Variants in PPARG observed in about 807,000 individuals in gnomAD.
The protein encoded by PPARG is peroxisome proliferator-activated receptor gamma.
In PPARG, 17 loss-of-function variants were observed where a neutral mutation model predicts 39.2. The observed-to-expected ratio is 0.43, with a 90% CI of 0.30 to 0.65. PPARG has a LOEUF of 0.65. Among genes scored for constraint, PPARG ranks in the 30% least tolerant of loss-of-function variants. The probability of loss-of-function intolerance (pLI) is 0.13; values close to 1 mark genes in which losing one functional copy is unlikely to be tolerated. For missense variants in PPARG, 406 were observed against 585.9 expected (o/e 0.69, Z 3.17); for synonymous variants, 223 against 215.7 (o/e 1.03, Z -0.30).
chr3:12,295,331 C>T (rs2046751561), intron 1 of PPARG, among the ~76,000 whole-genome samples: 2 of 151,890 alleles, frequency 1.3e-5, no homozygotes, highest in Admixed American at 1.3e-4. Flanking sequence ...GTAGAAACTT[C>T]AAAAATCATT....
At chr3:12,322,115 T>C (rs187564259) in intron 2 of PPARG, among the ~76,000 whole-genome samples, 1 of 152,362 alleles carries the variant, frequency 6.6e-6, no homozygotes, top group Admixed American at 6.5e-5. Context: ...TTGCATAGAC[T>C]TTTTTGTTGC....
intron 1 of PPARG, among the ~76,000 whole-genome samples, chr3:12,289,851 A>G (rs1029767255): frequency 2.0e-5 from 3 of 152,202 alleles, no homozygotes; most frequent in Non-Finnish European, 4.4e-5. Flanking sequence ...CATTCTGTTC[A>G]AGTTTTAAAG....
At chr3:12,351,599 G>A (rs2048487795) in intron 2 of PPARG, 1 of 1,605,570 alleles carries the variant, frequency 6.2e-7, no homozygotes, top group African/African-American at 1.3e-5. Flanking sequence ...TGTTATGGGT[G>A]AAACTCTGGG....
intron 1 of PPARG, among the ~76,000 whole-genome samples, chr3:12,309,129 GA>G (rs1366214625): frequency 6.6e-6 from 1 of 152,250 alleles, no homozygotes; most frequent in East Asian, 1.9e-4. Context: ...AAATCTTAGG[GA>G]ACAAGTTATC....
At chr3:12,313,041 C>G (rs2047292377) in intron 2 of PPARG, among the ~76,000 whole-genome samples, 1 of 152,110 alleles carries the variant, frequency 6.6e-6, no homozygotes, top group Non-Finnish European at 1.5e-5. Flanking sequence ...CCTTCCGAGG[C>G]CTAACTATAG....
rs188002431 is a variant in PPARG at position 12,405,866 on chromosome 3, T to G, written c.530-16T>G. ...GTAATCCAATGATTCATCCTGTCAT[T>G]CCTCTTCCTCTATAGCCATCAGGTT... On this transcript the variant is annotated splice_polypyrimidine_tract_variant and intron_variant, in intron 5 of 7. Transcript: ENST00000651735. The G allele has an allele frequency of 6.2e-6, 10 of 1,609,756 alleles. No individual in the cohort carries two copies. The Admixed American group carries it at 1.3e-4, about 21-fold the overall frequency.
At chr3:12,312,896 A>C (rs1206870209) in intron 2 of PPARG, among the ~76,000 whole-genome samples, 2 of 152,210 alleles carry the variant, frequency 1.3e-5, no homozygotes, top group Admixed American at 1.3e-4. Context: ...AATGTGCTCC[A>C]TTCTAGGAGG....
chr3:12,359,940 T>C (rs901073820), intron 2 of PPARG, among the ~76,000 whole-genome samples: 3 of 152,152 alleles, frequency 2.0e-5, no homozygotes, highest in African/African-American at 7.2e-5. Flanking sequence ...TTCAAAGTGC[T>C]GGATTGCAGA....
chr3:12,433,992 G>A lies in PPARG; in HGVS notation c.1275G>A (p.Glu425=). The change falls in exon 8 of 8, where the codon GAG becomes GAA. Residue 425 remains glutamate, a synonymous_variant. Coordinates refer to ENST00000651735, the MANE Select transcript of PPARG (RefSeq NM_138711.6). ...TCCAGCTGAAGCTGAACCACCCTGA[G>A]TCCTCACAGCTGTTTGCCAAGCTGC... The part of the protein sequence containing the change: ...LELQLKLNHP[E]SSQLFAKLLQ... 6.2e-7 allele frequency: 1 copy of A among 1,614,198 alleles called. No homozygotes were observed. Among genetic ancestry groups the A allele is most frequent in the Non-Finnish European group, 8.5e-7 (1 of 1,180,028 alleles).
chr3:12,352,931 T>C (rs1259382558), intron 2 of PPARG, among the ~76,000 whole-genome samples: 1 of 152,234 alleles, frequency 6.6e-6, no homozygotes, highest in Admixed American at 6.5e-5. Context: ...TTAGCCTGCC[T>C]CAGGGCAGAA....
At chr3:12,308,511 C>T (rs899120451) in intron 1 of PPARG, among the ~76,000 whole-genome samples, 4 of 151,980 alleles carry the variant, frequency 2.6e-5, no homozygotes, top group Non-Finnish European at 4.4e-5. Flanking sequence ...TTGAGCCAAT[C>T]GTTATGCATG....
At chr3:12,380,376 G>A (rs1316526072) in intron 3 of PPARG, among the ~76,000 whole-genome samples, 1 of 152,010 alleles carries the variant, frequency 6.6e-6, no homozygotes, top group Non-Finnish European at 1.5e-5. Flanking sequence ...GTCCTTTCAG[G>A]AGTTTATACT....
intron 1 of PPARG, among the ~76,000 whole-genome samples, chr3:12,301,219 G>C (rs2046917082): frequency 6.6e-6 from 1 of 152,244 alleles, no homozygotes; most frequent in Admixed American, 6.5e-5. Flanking sequence ...CTAAGGGCCA[G>C]AGCATTGTTT....
At chr3:12,364,292 A>C (rs1222150055) in intron 2 of PPARG, among the ~76,000 whole-genome samples, 1 of 152,196 alleles carries the variant, frequency 6.6e-6, no homozygotes, top group Non-Finnish European at 1.5e-5. Context: ...AATATCATAT[A>C]GTTGGAACCA....
At chr3:12,421,392 G>GT (rs1453455736) in intron 7 of PPARG, among the ~76,000 whole-genome samples, 13 of 152,210 alleles carry the variant, frequency 8.5e-5, no homozygotes, top group Non-Finnish European at 1.8e-4. Context: ...GCAAAGCCAT[G>GT]TTTGCAACTG....
intron 2 of PPARG, among the ~76,000 whole-genome samples, chr3:12,377,917 AACTC>A (rs1266145975): frequency 6.6e-6 from 1 of 152,220 alleles, no homozygotes; most frequent in Non-Finnish European, 1.5e-5. Context: ...AAACTCAACA[AACTC>A]AATTGCAAGA....
chr3:12,318,891 T>C (rs1455066607), intron 2 of PPARG, among the ~76,000 whole-genome samples: 2 of 152,136 alleles, frequency 1.3e-5, no homozygotes, highest in East Asian at 3.8e-4. Context: ...TGACTTCTTG[T>C]TCTTCAGTCC....
At chr3:12,359,552 A>G (rs2048770396) in intron 2 of PPARG, among the ~76,000 whole-genome samples, 1 of 152,124 alleles carries the variant, frequency 6.6e-6, no homozygotes, top group Non-Finnish European at 1.5e-5. Context: ...GAATTTGGGG[A>G]AAAAAATTCC....
At chr3:12,392,186 G>A (rs2050101202) in intron 4 of PPARG, among the ~76,000 whole-genome samples, 1 of 152,282 alleles carries the variant, frequency 6.6e-6, no homozygotes, top group South Asian at 2.1e-4. Context: ...TCATGTTTTA[G>A]AATGAAATGA....
Sources: gnomAD v4.1 joint callset for allele counts (sites outside exome capture counted in the v4.1 genomes callset) on GRCh38, gnomAD v4.1.1 for gene constraint, MANE v1.5 for transcripts, NCBI Gene and HGNC (gene_info 2026-07-23, HGNC 2026-07-21) for gene names.